The following FLRT1 variants were observed in gnomAD, a reference collection of about 807,000 sequenced individuals.
FLRT1 encodes the protein leucine-rich repeat transmembrane protein FLRT1.
Under a neutral mutation model 30.9 loss-of-function variants are expected in FLRT1, and 14 were observed. The ratio of observed to expected loss-of-function variants is 0.45; its 90% CI spans 0.30 to 0.71. The LOEUF (loss-of-function observed/expected upper bound fraction) is 0.71, where lower values mean the gene tolerates loss of function less well. Among genes scored for constraint, FLRT1 ranks in the 30% least tolerant of loss-of-function variants. The pLI, the probability that FLRT1 is intolerant of heterozygous loss-of-function variation, is 0.08. For synonymous variants in FLRT1, 368 were observed against 430.4 expected (o/e 0.85, Z 1.80); for missense variants, 737 against 949.2 (o/e 0.78, Z 2.94).
At chr11:64,112,924 C>T (rs566098856) in intron 2 of FLRT1, among the ~76,000 whole-genome samples, 1 of 152,344 alleles carries the variant, frequency 6.6e-6, no homozygotes, top group East Asian at 1.9e-4. Flanking sequence ...ACATTCACCA[C>T]GGCAGGGCCC....
chr11:64,087,948 C>G (rs1035014273), intron 1 of FLRT1, among the ~76,000 whole-genome samples: 1 of 152,140 alleles, frequency 6.6e-6, no homozygotes, highest in Non-Finnish European at 1.5e-5. Context: ...GAGGGGAGGC[C>G]GGGCCTCCTC....
intron 1 of FLRT1, among the ~76,000 whole-genome samples, chr11:64,043,330 G>A (rs781771963): frequency 5.3e-5 from 8 of 152,188 alleles, no homozygotes; most frequent in African/African-American, 9.7e-5. Flanking sequence ...CTAGCTTTCC[G>A]CCCTCAGGAC....
chr11:64,055,448 G>A (rs931602950), intron 1 of FLRT1, among the ~76,000 whole-genome samples: 1 of 152,168 alleles, frequency 6.6e-6, no homozygotes, highest in East Asian at 1.9e-4. Context: ...TGGCAGGGCA[G>A]GTAGCTCCTG....
At chr11:64,111,172 G>T (rs72918475) in intron 2 of FLRT1, among the ~76,000 whole-genome samples, 25 of 152,328 alleles carry the variant, frequency 1.6e-4, no homozygotes, top group Non-Finnish European at 3.5e-4. Context: ...GTCCATACCA[G>T]GGAATGCGGT....
chr11:64,059,933 T>C (rs1484496574), intron 1 of FLRT1, among the ~76,000 whole-genome samples: 1 of 151,454 alleles, frequency 6.6e-6, no homozygotes, highest in African/African-American at 2.4e-5. Flanking sequence ...CCTGAGCAGC[T>C]GGGGCGCTTG....
At chr11:64,045,809 G>A (rs1943574170) in intron 1 of FLRT1, among the ~76,000 whole-genome samples, 3 of 152,194 alleles carry the variant, frequency 2.0e-5, no homozygotes, top group Admixed American at 1.3e-4. Context: ...AATAACAGGT[G>A]GGCATGCTGG....
Position 64,116,340 on chromosome 11 carries a change from A to G in FLRT1, c.73A>G (p.Thr25Ala). 1.2e-6 allele frequency: 2 copies of G among 1,611,930 alleles called. No individual in the cohort carries two copies. The highest frequency in any genetic ancestry group is 1.7e-6 in the Non-Finnish European group (2 of 1,179,396). Residue 25 changes from threonine (T) to alanine (A), a missense_variant, in exon 3 of 3, where the codon ACC (threonine) becomes GCC (alanine). Transcript: ENST00000682287. ...TATVTATVVM[T>A]TATMDLRDWL... ...CACTGTCACGGCCACCGTTGTGATG[A>G]CCACGGCCACCATGGACCTGCGGGA... is the stretch of plus-strand genomic sequence containing the variant.
intron 2 of FLRT1, among the ~76,000 whole-genome samples, 174 bp downstream of exon 2, chr11:64,104,355 GTTCATGCAGCTGGCAGC>G (rs1418875108): frequency 6.6e-6 from 1 of 152,118 alleles, no homozygotes; most frequent in Non-Finnish European, 1.5e-5. Context: ...CACTCACGCA[GTTCATGCAGCTGGCAGC>G]TTCTGCTTGC....
chr11:64,063,326 A>T (rs528095495), intron 1 of FLRT1, among the ~76,000 whole-genome samples: 16 of 152,248 alleles, frequency 1.1e-4, no homozygotes, highest in African/African-American at 3.4e-4. Context: ...AAACACCTAG[A>T]GGATTGCTGG....
chr11:64,041,698 G>T (rs532401903), intron 1 of FLRT1, among the ~76,000 whole-genome samples: 1 of 152,284 alleles, frequency 6.6e-6, no homozygotes, highest in East Asian at 1.9e-4. Context: ...GACAAAATCC[G>T]AGGGACTGAG....
At chr11:64,049,303 A>G (rs1943645852) in intron 1 of FLRT1, among the ~76,000 whole-genome samples, 3 of 152,218 alleles carry the variant, frequency 2.0e-5, no homozygotes, top group South Asian at 2.1e-4. Context: ...CAGGATCCCC[A>G]AAGCCTTGGG....
intron 1 of FLRT1, among the ~76,000 whole-genome samples, chr11:64,100,250 G>A (rs1355300967): frequency 1.3e-5 from 2 of 152,182 alleles, no homozygotes; most frequent in East Asian, 1.9e-4. Context: ...CGGCCAAAAC[G>A]CAGAGGGTGG....
chr11:64,050,735 C>T (rs1943677780), intron 1 of FLRT1, among the ~76,000 whole-genome samples: 2 of 152,240 alleles, frequency 1.3e-5, no homozygotes, highest in Admixed American at 1.3e-4. Context: ...TCTCCTGCCT[C>T]AGCCTCCTGA....
In FLRT1 at chr11:64,064,315, G is replaced by A. The variant is rs1248717248; in HGVS notation, c.-1038+28156G>A. Among the ~76,000 whole-genome samples the A allele has an allele frequency of 1.3e-5, 2 of 152,178 alleles. No individual in the cohort carries two copies. Among genetic ancestry groups the A allele is most frequent in the Non-Finnish European group, 2.9e-5 (2 of 68,022 alleles). On this transcript the variant is annotated intron_variant, in intron 1 of 2. Transcript: ENST00000682287. The surrounding 1 kb of genome is among the most constrained non-coding windows in gnomAD (Gnocchi z 4.5). ...GCCCTGTTCAGGCGGCGGGTAGGGG[G>A]GTGATGTCTCATCAGAAGAGGGGCC... is the stretch of plus-strand genomic sequence containing the variant.
chr11:64,086,174 A>G (rs1230141731), intron 1 of FLRT1, among the ~76,000 whole-genome samples: 2 of 152,140 alleles, frequency 1.3e-5, no homozygotes, highest in East Asian at 3.9e-4. Flanking sequence ...GGGACTCAAC[A>G]GTGGGATCCC....
intron 1 of FLRT1, among the ~76,000 whole-genome samples, chr11:64,065,426 CAG>C (rs1342500423): frequency 6.6e-6 from 1 of 152,294 alleles, no homozygotes; most frequent in East Asian, 1.9e-4. Context: ...CGCTCCAAAA[CAG>C]AACATTTACT....
At chr11:64,047,805 G>A (rs1392584151) in intron 1 of FLRT1, among the ~76,000 whole-genome samples, 1 of 151,396 alleles carries the variant, frequency 6.6e-6, no homozygotes, top group African/African-American at 2.4e-5. Context: ...GCTGAGGCAG[G>A]AGAATCGCTT....
intron 2 of FLRT1, among the ~76,000 whole-genome samples, chr11:64,114,654 A>G (rs901044181): frequency 2.9e-4 from 41 of 140,092 alleles, no homozygotes; most frequent in Non-Finnish European, 2.8e-4. Flanking sequence ...TGGATGGATG[A>G]ATGGACAGGT....
chr11:64,117,830 A>G lies in FLRT1; in HGVS notation c.1563A>G (p.Thr521=), dbSNP rs939111712. 9 of 1,614,046 alleles carry G rather than the reference A, an allele frequency of 5.6e-6. No homozygotes were observed. In the Admixed American group the frequency reaches 6.7e-5, roughly 12 times the overall value. The change falls in exon 3 of 3, where the codon ACA becomes ACG. Residue 521 remains threonine, a synonymous_variant. Transcript: ENST00000682287. ...GCAATGCCTACGTAGCTGATGAGACACCCGTGTGTGCCAAGGCAGAGACAG... is the reference window on the plus strand; with the variant it reads ...GCAATGCCTACGTAGCTGATGAGACGCCCGTGTGTGCCAAGGCAGAGACAG... ...ETSNAYVADE[T]PVCAKAETAD...
Sources: gnomAD v4.1 joint callset for allele counts (sites outside exome capture counted in the v4.1 genomes callset) on GRCh38, gnomAD v4.1.1 for gene constraint, Gnocchi (gnomAD v3.1) non-coding constraint, MANE v1.5 for transcripts, NCBI Gene and HGNC (gene_info 2026-07-23, HGNC 2026-07-21) for gene names.